Variants in APBB1 observed in about 807,000 individuals in gnomAD.
APBB1 encodes the protein adaptor protein FE65a2.
APBB1 carries 22 observed loss-of-function variants against 78.4 expected under a neutral mutation model. The observed-to-expected ratio is 0.28, with a 90% CI of 0.20 to 0.40. The LOEUF (loss-of-function observed/expected upper bound fraction) is 0.40. Ranked by LOEUF, APBB1 falls within the 10% of genes least tolerant of loss-of-function variation. APBB1 has a pLI of 1.00. For synonymous variants in APBB1, 369 were observed against 372.7 expected, an observed-to-expected ratio of 0.99 and a Z score of 0.12; for missense variants, 749 against 932.4, an observed-to-expected ratio of 0.80 and a Z score of 2.56.
chr11:6,401,773 A>C lies in APBB1; in HGVS notation c.1389-85T>G. On this transcript the variant is annotated intron_variant, in intron 9 of 14. Coordinates refer to ENST00000609360, the MANE Select transcript of APBB1 (RefSeq NM_001164.5). The surrounding 1 kb of genome is among the most constrained non-coding windows in gnomAD (Gnocchi z 4.5). ...CACCCCACCCACGTCCTCCCTGCCCATCACAGCTCCTCCAGGGCTTCTGCC... is the reference window on the plus strand; with the variant it reads ...CACCCCACCCACGTCCTCCCTGCCCCTCACAGCTCCTCCAGGGCTTCTGCC... 9 of 1,515,562 alleles carry C rather than the reference A, an allele frequency of 5.9e-6. No homozygotes were observed. The highest frequency in any genetic ancestry group is 8.2e-6 in the Non-Finnish European group (9 of 1,094,502). 93.9% of individuals were successfully genotyped at this position (1,515,562 alleles called of 1,614,324 possible).
At chr11:6,409,852 CTAG>C (rs1488161115) in intron 2 of APBB1, among the ~76,000 whole-genome samples, 1 of 152,148 alleles carries the variant, frequency 6.6e-6, no homozygotes, top group African/African-American at 2.4e-5. Flanking sequence ...CCCTGGAGTC[CTAG>C]TATCTATTCT....
Position 6,403,365 on chromosome 11 carries a change from T to G in APBB1, c.994A>C (p.Lys332Gln). ...SDEAPMELGL[K>Q]EPEEGTLTFP... ...GTCAACGTCCCCTCCTCAGGTTCCT[T>G]CAGTCCCAGCTCCATTGGGGCCTCA... The change falls in exon 5 of 15, where the codon AAG becomes CAG. Residue 332 changes from lysine (K) to glutamine (Q), a missense_variant. Around this residue, in one of 3 missense-constraint regions of APBB1, gnomAD observed 635 missense variants for 765.0 expected, o/e 0.83. Transcript: ENST00000609360. The surrounding 1 kb of genome is among the most constrained non-coding windows in gnomAD (Gnocchi z 5.3). The G allele has an allele frequency of 1.2e-6, 2 of 1,614,100 alleles. No individual in the cohort carries two copies. Among genetic ancestry groups the G allele is most frequent in the African/African-American group, 1.3e-5 (1 of 75,034 alleles).
chr11:6,402,320 T>C, intron 7 of APBB1, 111 bp from the exon 8 acceptor site: 1 of 1,486,074 alleles, frequency 6.7e-7, no homozygotes, highest in Non-Finnish European at 9.1e-7. Flanking sequence ...CCTGCTTTGG[T>C]GTCAGACCGC....
At chr11:6,398,627 A>G (rs1157199654) in intron 12 of APBB1, among the ~76,000 whole-genome samples, 1 of 152,216 alleles carries the variant, frequency 6.6e-6, no homozygotes, top group African/African-American at 2.4e-5. Context: ...AGAGCCAACA[A>G]GGGTTTAGAA....
At chr11:6,402,472 T>G in intron 7 of APBB1, 104 bp downstream of exon 7, 6 of 1,329,020 alleles carry the variant, frequency 4.5e-6, no homozygotes, top group Non-Finnish European at 6.4e-6. Context: ...TGGGCCAATA[T>G]CCCCCTTCCC....
chr11:6,417,483 A>G (rs1315484602), intron 1 of APBB1, among the ~76,000 whole-genome samples: 2 of 152,214 alleles, frequency 1.3e-5, no homozygotes, highest in Admixed American at 6.5e-5. Context: ...TCACAATTAT[A>G]TCTTCAGGAC....
At chr11:6,406,346 T>C (rs934771471) in intron 2 of APBB1, among the ~76,000 whole-genome samples, 3 of 152,090 alleles carry the variant, frequency 2.0e-5, no homozygotes, top group Non-Finnish European at 4.4e-5. Context: ...ACTTAAAGCT[T>C]TCCCCTTCTC....
At position 6,401,490 on chromosome 11, in the gene APBB1, G is replaced by A. The variant is rs754585153; in HGVS notation, c.1504-61C>T. 9.3e-6 allele frequency: 15 copies of A among 1,612,256 alleles called. No homozygotes were observed. The highest frequency in any genetic ancestry group is 1.3e-5 in the Non-Finnish European group (15 of 1,178,708). The stretch of plus-strand genomic sequence containing the variant: ...TCTATTAGAGCCTCATTGCCCTGGG[G>A]CCCCCCTACAGCACTCAGTGACCCC... On this transcript the variant is annotated intron_variant, in intron 10 of 14. Transcript: ENST00000609360. The surrounding 1 kb of genome is among the most constrained non-coding windows in gnomAD (Gnocchi z 4.5).
intron 2 of APBB1, among the ~76,000 whole-genome samples, chr11:6,404,217 CACAT>C (rs1165478345): frequency 1.3e-5 from 2 of 152,214 alleles, no homozygotes; most frequent in Non-Finnish European, 2.9e-5. Context: ...AGACACACAA[CACAT>C]ACAAGCCCTA....
chr11:6,407,875 G>C (rs1042980256), intron 2 of APBB1, among the ~76,000 whole-genome samples: 3 of 151,482 alleles, frequency 2.0e-5, no homozygotes, highest in Non-Finnish European at 2.9e-5. Flanking sequence ...CGCTTCCCGG[G>C]TTCACGCCAT....
chr11:6,405,418 C>A, intron 2 of APBB1: 1 of 987,324 alleles, frequency 1.0e-6, no homozygotes, highest in Non-Finnish European at 1.2e-6. Flanking sequence ...GCAGCGTCTC[C>A]TCGGCAACCG....
chr11:6,399,403 C>A (rs1321606431), intron 12 of APBB1, among the ~76,000 whole-genome samples: 2 of 152,324 alleles, frequency 1.3e-5, no homozygotes, highest in East Asian at 3.9e-4. Context: ...CATCTGCCAC[C>A]TTGAAAGAAA....
chr11:6,410,370 C>G (rs1848926022), intron 2 of APBB1, among the ~76,000 whole-genome samples: 1 of 152,228 alleles, frequency 6.6e-6, no homozygotes, highest in South Asian at 2.1e-4. Context: ...GTTACCTAGT[C>G]AGTGCCCAGT....
At chr11:6,397,934 C>G (rs1848317449) in intron 12 of APBB1, among the ~76,000 whole-genome samples, 1 of 152,146 alleles carries the variant, frequency 6.6e-6, no homozygotes. Context: ...GCTTCAAAAG[C>G]CAGGCAGAGG....
Position 6,405,302 on chromosome 11 carries a change from AC to A in APBB1, c.722-1481del. On this transcript the variant is annotated intron_variant, in intron 2 of 14. Coordinates refer to ENST00000609360, the MANE Select transcript of APBB1 (RefSeq NM_001164.5). ...GTCCAGGACCTGCACAGCAGTTTGA[AC>A]CCAAGGGTGGGCTTTGAGGTCCTGA... is the stretch of plus-strand genomic sequence containing the variant. The A allele has an allele frequency of 3.0e-6, 3 of 988,730 alleles. No individual in the cohort carries two copies. The South Asian group carries it at 1.4e-4, about 46-fold the overall frequency. The allele number at this position is 988,730 out of a possible 1,614,324, so 61.2% of individuals were successfully genotyped here.
intron 1 of APBB1, among the ~76,000 whole-genome samples, chr11:6,413,462 T>C (rs888096343): frequency 2.0e-5 from 3 of 152,286 alleles, no homozygotes; most frequent in Non-Finnish European, 4.4e-5. Context: ...TTCTCAGCGC[T>C]GAGCACAGGT....
chr11:6,405,204 TG>T, intron 2 of APBB1: 1 of 1,096,842 alleles, frequency 9.1e-7, no homozygotes, highest in Non-Finnish European at 1.1e-6. Context: ...CCCAGCTGCC[TG>T]GGGCCCTGCA....
At position 6,411,377 on chromosome 11, in the gene APBB1, G is replaced by T; in HGVS notation, c.-14-16C>A. Reference sequence around the variant, plus strand: ...TTGGCAGCTCCTGTGGGGTGCGGAGGGGAGATGCTGTTGAGCCTCTGGTCC... The same window carrying T: ...TTGGCAGCTCCTGTGGGGTGCGGAGTGGAGATGCTGTTGAGCCTCTGGTCC... On this transcript the variant is annotated splice_polypyrimidine_tract_variant and intron_variant, in intron 1 of 14. Transcript: ENST00000609360. The surrounding 1 kb of genome is among the most constrained non-coding windows in gnomAD (Gnocchi z 5.2). The T allele has an allele frequency of 6.6e-7, 1 of 1,516,516 alleles. No individual in the cohort carries two copies. Among genetic ancestry groups the T allele is most frequent in the South Asian group, 1.3e-5 (1 of 75,382 alleles). 93.9% of individuals were successfully genotyped at this position (1,516,516 alleles called of 1,614,324 possible).
intron 12 of APBB1, chr11:6,396,429 T>C: frequency 1.9e-6 from 1 of 534,760 alleles, no homozygotes; most frequent in South Asian, 2.4e-5. Context: ...TTTAAAATCT[T>C]GGATCCTAGG....
Sources: allele counts gnomAD v4.1 joint callset (sites outside exome capture counted in the v4.1 genomes callset), GRCh38; gene constraint gnomAD v4.1.1; regional missense constraint gnomAD v4.1.1; non-coding constraint Gnocchi (gnomAD v3.1); transcripts MANE v1.5; gene names NCBI Gene and HGNC (gene_info 2026-07-23, HGNC 2026-07-21).